The following CABIN1 variants were observed in gnomAD, a reference collection of about 807,000 sequenced individuals.
CABIN1 encodes calcineurin binding protein 1, also known as calcineurin-binding protein cabin-1.
In CABIN1, 133 loss-of-function variants were observed where a neutral mutation model predicts 227.7. That is an observed-to-expected ratio of 0.58 (90% CI 0.51 to 0.67). The LOEUF (loss-of-function observed/expected upper bound fraction) is 0.67, where lower values mean the gene tolerates loss of function less well. Among genes scored for constraint, CABIN1 ranks in the 30% least tolerant of loss-of-function variants. The pLI is 0.00. For synonymous variants in CABIN1, 1,086 were observed against 1,155.1 expected (o/e 0.94, Z 1.21); for missense variants, 2,408 against 2,852.5 (o/e 0.84, Z 3.55).
At chr22:24,058,751 G>A (rs1442078063) in intron 10 of CABIN1, among the ~76,000 whole-genome samples, 1 of 152,198 alleles carries the variant, frequency 6.6e-6, no homozygotes, top group Non-Finnish European at 1.5e-5. Flanking sequence ...TCCTCCTCCA[G>A]TGTGTCAGCA....
Position 24,178,039 on chromosome 22 carries a change from G to A in CABIN1, c.6520-14G>A, listed in dbSNP as rs375171278. 15 of 1,613,078 alleles carry A rather than the reference G, an allele frequency of 9.3e-6. No individual in the cohort carries two copies. The highest frequency in any genetic ancestry group is 2.7e-5 in the African/African-American group (2 of 74,844). Reference sequence around the variant, plus strand: ...GCCATCCTTGACCAGTGCCCCGCCCGGCCCTCTCCGCAGTCAGCCATCCTT... The same window carrying A: ...GCCATCCTTGACCAGTGCCCCGCCCAGCCCTCTCCGCAGTCAGCCATCCTT... On this transcript the variant is annotated splice_polypyrimidine_tract_variant and intron_variant, in intron 36 of 36. Transcript: ENST00000263119.
intron 28 of CABIN1, among the ~76,000 whole-genome samples, chr22:24,128,433 A>G (rs1326109651): frequency 2.0e-5 from 3 of 152,144 alleles, no homozygotes; most frequent in Non-Finnish European, 2.9e-5. Context: ...AGGTCTAGCT[A>G]TGGGGATATT....
At chr22:24,102,544 A>T (rs2042265750) in intron 26 of CABIN1, 1 of 152,434 alleles carries the variant, frequency 6.6e-6, no homozygotes, top group South Asian at 2.1e-4. Flanking sequence ...TCAGTCAGTT[A>T]CATAGCTGAG....
chr22:24,054,470 G>A (rs958779967), intron 8 of CABIN1, among the ~76,000 whole-genome samples: 4 of 152,180 alleles, frequency 2.6e-5, no homozygotes, highest in South Asian at 2.1e-4. Flanking sequence ...CAGGCTCTCC[G>A]CATAAAACAG....
intron 5 of CABIN1, among the ~76,000 whole-genome samples, chr22:24,042,233 G>A (rs2037434436): frequency 6.6e-6 from 1 of 152,210 alleles, no homozygotes. Context: ...GATTACAGGT[G>A]TGAACCACCA....
chr22:24,083,904 T>C (rs561363683), intron 20 of CABIN1, among the ~76,000 whole-genome samples: 1 of 152,368 alleles, frequency 6.6e-6, no homozygotes, highest in East Asian at 1.9e-4. Context: ...TAGAGCGCTA[T>C]TGAGTGTATT....
At position 24,172,013 on chromosome 22, in the gene CABIN1, C is replaced by T. The variant is rs747337313; in HGVS notation, c.6040+18C>T. ...GGGCCCAGGTGAGTCCCATCCCAGTCCAGAGCTGGGCCCAGGCCCCTGCCA... is the reference window on the plus strand; with the variant it reads ...GGGCCCAGGTGAGTCCCATCCCAGTTCAGAGCTGGGCCCAGGCCCCTGCCA... On this transcript the variant is annotated intron_variant, in intron 34 of 36. Coordinates refer to ENST00000263119, the MANE Select transcript of CABIN1 (RefSeq NM_012295.4). The T allele has an allele frequency of 2.5e-6, 4 of 1,604,400 alleles. No homozygotes were observed. Among genetic ancestry groups the T allele is most frequent in the Non-Finnish European group, 3.4e-6 (4 of 1,178,464 alleles).
intron 28 of CABIN1, among the ~76,000 whole-genome samples, chr22:24,131,264 A>G (rs1022539521): frequency 6.6e-6 from 1 of 152,172 alleles, no homozygotes; most frequent in African/African-American, 2.4e-5. Flanking sequence ...CCACTTAAAG[A>G]GGTCTTCCGG....
At chr22:24,100,650 T>G (rs1694058109) in intron 26 of CABIN1, among the ~76,000 whole-genome samples, 2 of 152,132 alleles carry the variant, frequency 1.3e-5, no homozygotes, top group Non-Finnish European at 2.9e-5. Flanking sequence ...GGGTGATGGG[T>G]GCTTCTAGCC....
rs768745112 is a variant in CABIN1 at position 24,083,257 on chromosome 22, A to G, written c.2778A>G (p.Ala926=). ...GAGTACTCCAGAAGGAACTGGCTGC[A>G]TCCACCTCTGAAGACACGCACCCTT... is the stretch of plus-strand genomic sequence containing the variant. ...YVRVLQKELA[A]STSEDTHPYK... The change falls in exon 20 of 37, where the codon GCA becomes GCG. Residue 926 remains alanine (A), a synonymous_variant. Coordinates refer to ENST00000263119, the MANE Select transcript of CABIN1 (RefSeq NM_012295.4). 6.2e-7 allele frequency: 1 copy of G among 1,612,864 alleles called. No individual in the cohort carries two copies. The highest frequency in any genetic ancestry group is 1.3e-5 in the African/African-American group (1 of 75,026).
chr22:24,178,112 A>G lies in CABIN1; in HGVS notation c.6579A>G (p.Pro2193=). 1.2e-6 allele frequency: 2 copies of G among 1,613,848 alleles called. No homozygotes were observed. The highest frequency in any genetic ancestry group is 2.2e-5 in the South Asian group (2 of 91,090). Reference sequence around the variant, plus strand: ...TGAGGAAGGAGAGCCTATGCCAGCCAGCCCTGGAGGTCCTGGAGACATCCA... The same window carrying G: ...TGAGGAAGGAGAGCCTATGCCAGCCGGCCCTGGAGGTCCTGGAGACATCCA... ...ANVRKESLCQ[P]ALEVLETSSQ... The change falls in exon 37 of 37, where the codon CCA becomes CCG. Residue 2193 remains proline, a synonymous_variant. Transcript: ENST00000263119.
At chr22:24,013,925 C>T (rs1204342017) in intron 1 of CABIN1, among the ~76,000 whole-genome samples, 1 of 152,186 alleles carries the variant, frequency 6.6e-6, no homozygotes, top group Non-Finnish European at 1.5e-5. Context: ...CACAAAGACA[C>T]ATTATCTTTG....
At chr22:24,152,814 G>A (rs1337529417) in intron 29 of CABIN1, among the ~76,000 whole-genome samples, 1 of 152,178 alleles carries the variant, frequency 6.6e-6, no homozygotes, top group African/African-American at 2.4e-5. Flanking sequence ...GCTGGGCGTG[G>A]TGGTGTGTGC....
intron 34 of CABIN1, among the ~76,000 whole-genome samples, chr22:24,175,613 G>T (rs1417783452): frequency 6.6e-6 from 1 of 152,258 alleles, no homozygotes; most frequent in Non-Finnish European, 1.5e-5. Context: ...GCCCAACTGA[G>T]CCCAATTCCT....
chr22:24,094,295 A>G (rs559019463), intron 24 of CABIN1, among the ~76,000 whole-genome samples: 9 of 152,200 alleles, frequency 5.9e-5, no homozygotes, highest in African/African-American at 2.2e-4. Flanking sequence ...GGCCTCTACT[A>G]CTGCCTGATA....
intron 27 of CABIN1, 64 bp from the exon 28 acceptor site, chr22:24,119,303 T>C: frequency 7.1e-7 from 1 of 1,410,618 alleles, no homozygotes; most frequent in East Asian, 2.3e-5. Flanking sequence ...TTACTGGTGG[T>C]AGACCACTGC....
intron 5 of CABIN1, among the ~76,000 whole-genome samples, chr22:24,042,101 A>G (rs9620353): frequency 6.6e-6 from 1 of 152,224 alleles, no homozygotes; most frequent in East Asian, 1.9e-4. Flanking sequence ...ATAGGCATGC[A>G]CCACCACCAC....
intron 1 of CABIN1, among the ~76,000 whole-genome samples, chr22:24,021,660 A>T (rs1451810933): frequency 6.6e-6 from 1 of 151,706 alleles, no homozygotes; most frequent in South Asian, 2.1e-4. Flanking sequence ...GTTACTGTTT[A>T]TGTGTCCTTG....
At chr22:24,079,737 T>C (rs2146960060) in intron 19 of CABIN1, among the ~76,000 whole-genome samples, 1 of 152,320 alleles carries the variant, frequency 6.6e-6, no homozygotes, top group Admixed American at 6.5e-5. Context: ...TGCCCATCTT[T>C]CTAGTGGTTT....
Sources: gnomAD v4.1 joint callset for allele counts (sites outside exome capture counted in the v4.1 genomes callset) on GRCh38, gnomAD v4.1.1 for gene constraint, MANE v1.5 for transcripts, NCBI Gene and HGNC (gene_info 2026-07-23, HGNC 2026-07-21) for gene names.